The following PRUNE2 variants were observed in gnomAD, a reference collection of about 807,000 sequenced individuals.
PRUNE2 encodes prune homolog 2 with BCH domain.
In PRUNE2, 164 loss-of-function variants were observed where a neutral mutation model predicts 252.0. That is an observed-to-expected ratio of 0.65 (90% CI 0.57 to 0.74). The LOEUF (loss-of-function observed/expected upper bound fraction) is 0.74. Ranked by LOEUF, PRUNE2 falls within the 30% of genes least tolerant of loss-of-function variation. The pLI, the probability that PRUNE2 is intolerant of heterozygous loss-of-function variation, is 0.00. For synonymous variants in PRUNE2, 1,292 were observed against 1,350.2 expected (o/e 0.96, Z 0.94); for missense variants, 3,495 against 3,711.0 (o/e 0.94, Z 1.51).
At chr9:76,847,744 T>G (rs1180419992) in intron 3 of PRUNE2, among the ~76,000 whole-genome samples, 1 of 152,210 alleles carries the variant, frequency 6.6e-6, no homozygotes, top group African/African-American at 2.4e-5. Context: ...AATAAGTGAA[T>G]GGCAATGAAA....
chr9:76,629,061 T>TTGCAATC (rs1273908929), intron 16 of PRUNE2, 131 bp downstream of exon 16: 1 of 567,024 alleles, frequency 1.8e-6, no homozygotes, highest in Non-Finnish European at 3.1e-6. Context: ...CCAGGCTGAT[T>TTGCAATC]GCAAACTCCT....
intron 10 of PRUNE2, among the ~76,000 whole-genome samples, chr9:76,653,428 C>A (rs1003858406): frequency 6.6e-6 from 1 of 151,998 alleles, no homozygotes; most frequent in Non-Finnish European, 1.5e-5. Context: ...AATTATAATA[C>A]CTAATACAAA....
intron 4 of PRUNE2, among the ~76,000 whole-genome samples, chr9:76,839,648 G>GACCT (rs2059270186): frequency 6.6e-6 from 1 of 152,198 alleles, no homozygotes; most frequent in Non-Finnish European, 1.5e-5. Context: ...AGGTTGAAAT[G>GACCT]GCCTGACTTA....
intron 10 of PRUNE2, 56 bp downstream of exon 10, chr9:76,655,367 T>G: frequency 8.1e-7 from 1 of 1,233,312 alleles, no homozygotes; most frequent in Non-Finnish European, 1.2e-6. Flanking sequence ...CACTGAATAA[T>G]GAAAACGTTG....
chr9:76,901,851 A>G (rs2063192835), intron 1 of PRUNE2, among the ~76,000 whole-genome samples: 1 of 152,226 alleles, frequency 6.6e-6, no homozygotes, highest in African/African-American at 2.4e-5. Context: ...CCTGGACTGC[A>G]GTAGTGACTG....
At chr9:76,727,227 A>C (rs541718274) in intron 6 of PRUNE2, among the ~76,000 whole-genome samples, 10 of 152,212 alleles carry the variant, frequency 6.6e-5, no homozygotes, top group Non-Finnish European at 1.5e-4. Context: ...GTTAAGAACC[A>C]CTGCTTTAGA....
At position 76,869,397 on chromosome 9, in the gene PRUNE2, A is replaced by G. The variant is rs540286828; in HGVS notation, c.37-15189T>C. 2.6e-5 allele frequency among the ~76,000 whole-genome samples: 4 copies of G among 152,282 alleles called. No individual in the cohort carries two copies. The South Asian group carries it at 8.3e-4, about 32-fold the overall frequency. ...TTTTAATGATGCCATTATTTATTAC[A>G]CTGTGTGTTTTTCAGTGACAGAAGA... On this transcript the variant is annotated intron_variant, in intron 1 of 18. Coordinates refer to ENST00000376718, the MANE Select transcript of PRUNE2 (RefSeq NM_015225.3).
chr9:76,689,194 T>C (rs1185848226), intron 9 of PRUNE2, among the ~76,000 whole-genome samples: 1 of 152,220 alleles, frequency 6.6e-6, no homozygotes, highest in Non-Finnish European at 1.5e-5. Flanking sequence ...TAGCATCCTG[T>C]TAATAATAAA....
chr9:76,834,984 C>T (rs1346033681), intron 4 of PRUNE2, among the ~76,000 whole-genome samples: 1 of 152,088 alleles, frequency 6.6e-6, no homozygotes, highest in Non-Finnish European at 1.5e-5. Context: ...TACTGAAATC[C>T]ATAAGGACGT....
chr9:76,876,780 G>C (rs1240701634), intron 1 of PRUNE2, among the ~76,000 whole-genome samples: 6 of 152,152 alleles, frequency 3.9e-5, no homozygotes, highest in Non-Finnish European at 4.4e-5. Context: ...AAACCCAAGA[G>C]GAAATTTTAT....
rs1395907094 is a variant in PRUNE2, at chr9:76,828,134, T to C, written c.509-1402A>G. ...GGTGAAATACATAGTACTCTGAATCTAGGCCAAAATCTAGGGTTCAGAGGA... is the reference window on the plus strand; with the variant it reads ...GGTGAAATACATAGTACTCTGAATCCAGGCCAAAATCTAGGGTTCAGAGGA... On this transcript the variant is annotated intron_variant, in intron 4 of 18. Coordinates refer to ENST00000376718, the MANE Select transcript of PRUNE2 (RefSeq NM_015225.3). Among the ~76,000 whole-genome samples, 4 of 152,306 alleles carry C rather than the reference T, an allele frequency of 2.6e-5. No individual in the cohort carries two copies. The East Asian group carries it at 7.7e-4, about 29-fold the overall frequency.
chr9:76,721,500 T>C (rs527984881), intron 6 of PRUNE2, among the ~76,000 whole-genome samples: 39 of 152,342 alleles, frequency 2.6e-4, no homozygotes, highest in Middle Eastern at 3.4e-3. Flanking sequence ...CCCAGATTTG[T>C]TATTTCTGGG....
intron 18 of PRUNE2, 99 bp downstream of exon 18, chr9:76,619,241 T>G: frequency 1.3e-6 from 1 of 772,962 alleles, no homozygotes; most frequent in Non-Finnish European, 2.2e-6. Flanking sequence ...GCTGAACATC[T>G]AAACAGGGTT....
chr9:76,814,502 C>A (rs2057554928), intron 6 of PRUNE2, among the ~76,000 whole-genome samples: 1 of 152,152 alleles, frequency 6.6e-6, no homozygotes, highest in Non-Finnish European at 1.5e-5. Flanking sequence ...CCCTAAAAAC[C>A]CATAAAACTA....
chr9:76,684,083 T>A (rs2043806158), intron 9 of PRUNE2, among the ~76,000 whole-genome samples: 1 of 152,106 alleles, frequency 6.6e-6, no homozygotes, highest in Non-Finnish European at 1.5e-5. Flanking sequence ...ATACTTATGT[T>A]TTTTGTGGTG....
At chr9:76,890,982 T>G (rs924456959) in intron 1 of PRUNE2, among the ~76,000 whole-genome samples, 1 of 152,246 alleles carries the variant, frequency 6.6e-6, no homozygotes, top group Non-Finnish European at 1.5e-5. Flanking sequence ...CCAATGCATC[T>G]GATGCATCTT....
intron 7 of PRUNE2, among the ~76,000 whole-genome samples, chr9:76,712,457 C>T (rs57749678): frequency 3.0e-5 from 4 of 134,724 alleles, no homozygotes; most frequent in East Asian, 2.3e-4. Flanking sequence ...AAGATTCCAG[C>T]GATCCACCTC....
At chr9:76,734,678 G>A (rs771464482) in intron 6 of PRUNE2, among the ~76,000 whole-genome samples, 29 of 152,180 alleles carry the variant, frequency 1.9e-4, no homozygotes, top group Non-Finnish European at 3.4e-4. Flanking sequence ...TTCTTTTGGG[G>A]AGGAATCCTC....
chr9:76,638,391 T>A, intron 12 of PRUNE2, 103 bp from the exon 13 acceptor site: 1 of 749,898 alleles, frequency 1.3e-6, no homozygotes, highest in Non-Finnish European at 2.3e-6. Flanking sequence ...TGTGTCTTTG[T>A]GGGTATATTA....
Sources: allele counts gnomAD v4.1 joint callset (sites outside exome capture counted in the v4.1 genomes callset), GRCh38; gene constraint gnomAD v4.1.1; transcripts MANE v1.5; gene names NCBI Gene and HGNC (gene_info 2026-07-23, HGNC 2026-07-21).